SPACA7: variants seen among roughly 807,000 people sequenced by gnomAD.
SPACA7 encodes the protein sperm acrosome-associated protein 7.
A neutral mutation model predicts 26.3 loss-of-function variants in SPACA7; 19 were observed. The observed-to-expected ratio is 0.72, with a 90% CI of 0.50 to 1.06. The LOEUF (loss-of-function observed/expected upper bound fraction) is 1.06, where lower values mean the gene tolerates loss of function less well. Ranked by LOEUF, SPACA7 falls within the 50% of genes least tolerant of loss-of-function variation. The probability of loss-of-function intolerance (pLI) is 0.00; values close to 1 mark genes in which losing one functional copy is unlikely to be tolerated. For synonymous variants in SPACA7, 84 were observed against 84.5 expected (o/e 0.99, Z 0.04); for missense variants, 211 against 229.9 (o/e 0.92, Z 0.53).
chr13:112,399,254 C>A (rs1171847641), intron 4 of SPACA7, 81 bp downstream of exon 4: 1 of 784,690 alleles, frequency 1.3e-6, no homozygotes, highest in Admixed American at 1.9e-5. Context: ...CAGGCGGAAA[C>A]ATCTCCTTCC....
At chr13:112,409,001 T>C (rs1306608825) in intron 5 of SPACA7, among the ~76,000 whole-genome samples, 1 of 152,198 alleles carries the variant, frequency 6.6e-6, no homozygotes, top group Non-Finnish European at 1.5e-5. Flanking sequence ...AGCATGATAC[T>C]GGTACCAAAA....
chr13:112,381,551 C>A (rs1049196063), intron 1 of SPACA7, among the ~76,000 whole-genome samples: 3 of 151,984 alleles, frequency 2.0e-5, no homozygotes, highest in African/African-American at 7.3e-5. Context: ...GGTTCACTTG[C>A]CCCCTGCCCA....
chr13:112,405,337 G>A (rs1221126938), intron 5 of SPACA7, among the ~76,000 whole-genome samples: 1 of 151,658 alleles, frequency 6.6e-6, no homozygotes, highest in Non-Finnish European at 1.5e-5. Flanking sequence ...TTACCAATAA[G>A]TGTTTAGTGC....
At chr13:112,420,226 C>T (rs527479827) in intron 5 of SPACA7, among the ~76,000 whole-genome samples, 5 of 152,228 alleles carry the variant, frequency 3.3e-5, no homozygotes, top group Admixed American at 2.6e-4. Context: ...AAGAAAAATA[C>T]CCATTATAAA....
chr13:112,392,971 T>C, intron 1 of SPACA7, 50 bp from the exon 2 acceptor site: 1 of 1,537,112 alleles, frequency 6.5e-7, no homozygotes, highest in Non-Finnish European at 9.0e-7. Context: ...GAGAAAAATA[T>C]GCAAATTCAA....
At chr13:112,426,614 A>G (rs543843526) in intron 5 of SPACA7, among the ~76,000 whole-genome samples, 5 of 152,296 alleles carry the variant, frequency 3.3e-5, no homozygotes, top group African/African-American at 1.2e-4. Context: ...CATATATTTT[A>G]TTAGGTTTAT....
chr13:112,388,823 G>C, intron 1 of SPACA7, among the ~76,000 whole-genome samples: 1 of 152,164 alleles, frequency 6.6e-6, no homozygotes, highest in East Asian at 1.9e-4. Context: ...TGGGTGGGGG[G>C]AAGCCAGTGA....
intron 5 of SPACA7, 27 bp downstream of exon 5, chr13:112,401,191 G>A: frequency 7.1e-6 from 11 of 1,555,946 alleles, no homozygotes; most frequent in Non-Finnish European, 9.8e-6. Context: ...CACACTGAGA[G>A]CTCTGTGGGA....
chr13:112,430,317 C>G (rs1876972587), intron 5 of SPACA7, among the ~76,000 whole-genome samples: 1 of 152,206 alleles, frequency 6.6e-6, no homozygotes, highest in East Asian at 1.9e-4. Flanking sequence ...GCCCTGGAAA[C>G]TCTCCAGGCA....
chr13:112,434,388 G>A (rs575251387), intron 6 of SPACA7, 97 bp from the exon 7 acceptor site: 3 of 1,018,358 alleles, frequency 2.9e-6, no homozygotes, highest in Admixed American at 2.0e-5. Flanking sequence ...CTGAGGGCTT[G>A]GTTCCTCCTG....
intron 1 of SPACA7, among the ~76,000 whole-genome samples, chr13:112,390,427 T>C (rs1426707556): frequency 6.7e-6 from 1 of 149,740 alleles, no homozygotes; most frequent in Non-Finnish European, 1.5e-5. Flanking sequence ...TTCCTTTTCA[T>C]GGGCATGTGT....
intron 1 of SPACA7, among the ~76,000 whole-genome samples, chr13:112,380,581 T>C (rs1045024373): frequency 3.3e-5 from 5 of 151,836 alleles, no homozygotes; most frequent in African/African-American, 1.2e-4. Flanking sequence ...ACATAAGATT[T>C]TTCTCTCTCT....
intron 5 of SPACA7, among the ~76,000 whole-genome samples, chr13:112,414,289 T>C (rs7997621): frequency 0.098 from 13,570 of 139,090 alleles, 693 homozygotes; most frequent in African/African-American, 0.12. Context: ...CAGTTTTTAA[T>C]TATGTTTTTC....
intron 2 of SPACA7, among the ~76,000 whole-genome samples, chr13:112,393,312 G>A (rs1308900544): frequency 6.6e-6 from 1 of 150,660 alleles, no homozygotes; most frequent in Non-Finnish European, 1.5e-5. Context: ...AAAGTGCGTG[G>A]GAGCCTTGCT....
intron 5 of SPACA7, among the ~76,000 whole-genome samples, chr13:112,428,420 A>C (rs1444583976): frequency 6.6e-6 from 1 of 152,160 alleles, no homozygotes; most frequent in Non-Finnish European, 1.5e-5. Context: ...TCTCTTCTAA[A>C]AATACAAAAA....
chr13:112,413,081 A>C (rs1886452513), intron 5 of SPACA7, among the ~76,000 whole-genome samples: 1 of 152,126 alleles, frequency 6.6e-6, no homozygotes, highest in African/African-American at 2.4e-5. Context: ...TTGCCTTTTC[A>C]TCTTTATACT....
rs1884290138 is a variant in SPACA7, at chr13:112,383,166, AAAGAAAGAAAG to A, written c.94+6690_94+6700del. The stretch of plus-strand genomic sequence containing the variant: ...GAAAGAAAGAAAGAAAGAAAGAAAG[AAAGAAAGAAAG>A]AAAGAAAGAAAGAAAGAAAAGAAAG... On this transcript the variant is annotated intron_variant, in intron 1 of 6. Transcript: ENST00000283550. Among the ~76,000 whole-genome samples the A allele has an allele frequency of 3.8e-5, 5 of 132,342 alleles. No individual in the cohort carries two copies. In the South Asian group the frequency reaches 1.2e-3, roughly 32 times the overall value. 86.8% of individuals were successfully genotyped at this position (132,342 alleles called of 152,430 possible). A position where few individuals can be genotyped will look rare whatever the true frequency, so the allele number is the denominator to read the frequency against.
In SPACA7 at chr13:112,416,804, TTGTG is replaced by T. The variant is rs148795567; in HGVS notation, c.446-15614_446-15611del. On this transcript the variant is annotated intron_variant, in intron 5 of 6. Coordinates refer to ENST00000283550, the MANE Select transcript of SPACA7 (RefSeq NM_145248.5). ...AGTCATTTACATATATGATTATGAGTTGTGTGTGTGTGTGTGTGTGTGTGTGTGT... is the reference window on the plus strand; with the variant it reads ...AGTCATTTACATATATGATTATGAGTTGTGTGTGTGTGTGTGTGTGTGTGT... Among the ~76,000 whole-genome samples the T allele has an allele frequency of 3.6e-4, 54 of 148,030 alleles. No homozygotes were observed. In the South Asian group the frequency reaches 7.1e-3, roughly 20 times the overall value.
At chr13:112,426,206 T>C (rs1432940020) in intron 5 of SPACA7, among the ~76,000 whole-genome samples, 2 of 152,254 alleles carry the variant, frequency 1.3e-5, no homozygotes, top group African/African-American at 2.4e-5. Flanking sequence ...TGCCTTAGCA[T>C]ATTTGTCGAA....
Sources: gnomAD v4.1 joint callset for allele counts (sites outside exome capture counted in the v4.1 genomes callset) on GRCh38, gnomAD v4.1.1 for gene constraint, MANE v1.5 for transcripts, NCBI Gene and HGNC (gene_info 2026-07-23, HGNC 2026-07-21) for gene names.